The following ACSF3 variants were observed in gnomAD, a reference collection of about 807,000 sequenced individuals.
The protein encoded by ACSF3 is acyl-CoA synthetase family member 3.
ACSF3 carries 78 observed loss-of-function variants against 53.2 expected under a neutral mutation model. That is an observed-to-expected ratio of 1.47 (90% confidence interval 1.22 to 1.77). The LOEUF (loss-of-function observed/expected upper bound fraction) is 1.77. Ranked by LOEUF, ACSF3 falls within the 40% of genes most tolerant of loss-of-function variation. The probability of loss-of-function intolerance (pLI) is 0.00; values close to 1 mark genes in which losing one functional copy is unlikely to be tolerated. For missense variants in ACSF3, 937 were observed against 771.1 expected (o/e 1.22, Z -2.55); for synonymous variants, 414 against 333.1 (o/e 1.24, Z -2.65).
At chr16:89,150,469 G>C (rs991625298) in intron 10 of ACSF3, 3 of 156,336 alleles carry the variant, frequency 1.9e-5, no homozygotes, top group Non-Finnish European at 4.2e-5. Flanking sequence ...CTCAGCCCTT[G>C]GCTGTCCTCA....
chr16:89,131,886 G>A (rs1339641259), intron 7 of ACSF3, among the ~76,000 whole-genome samples: 2 of 152,260 alleles, frequency 1.3e-5, no homozygotes, highest in East Asian at 1.9e-4. Flanking sequence ...GGCACTGCAC[G>A]GAAAGCCCCG....
intron 7 of ACSF3, among the ~76,000 whole-genome samples, chr16:89,126,414 G>A (rs1908119168): frequency 6.6e-6 from 1 of 152,080 alleles, no homozygotes. Flanking sequence ...GATTACAGAT[G>A]TGTGCCACCA....
chr16:89,120,718 C>T (rs1037134509), intron 6 of ACSF3, 83 bp from the exon 7 acceptor site: 41 of 1,333,782 alleles, frequency 3.1e-5, no homozygotes, highest in South Asian at 1.1e-4. Flanking sequence ...GGGAGCTCAG[C>T]GGGATCCGAG....
Position 89,119,946 on chromosome 16 carries a change from C to T in ACSF3, c.1127-855C>T, listed in dbSNP as rs531766043. Among the ~76,000 whole-genome samples, 21 of 152,360 alleles carry T rather than the reference C, an allele frequency of 1.4e-4. No individual in the cohort carries two copies. The South Asian group carries it at 3.7e-3, about 27-fold the overall frequency. On this transcript the variant is annotated intron_variant, in intron 6 of 10. Coordinates refer to ENST00000614302, the MANE Select transcript of ACSF3 (RefSeq NM_001243279.3). ...GATAAGCGTTCAGGCACTCCCCTGA[C>T]GCAGGCCAGGGCAAAGGCCTCACGC...
intron 3 of ACSF3, among the ~76,000 whole-genome samples, chr16:89,101,587 G>T (rs532341624): frequency 6.6e-6 from 1 of 152,264 alleles, no homozygotes; most frequent in African/African-American, 2.4e-5. Flanking sequence ...GCCGCCGAGT[G>T]ACCCTGCCAG....
intron 8 of ACSF3, 95 bp from the exon 9 acceptor site, chr16:89,145,172 G>C: frequency 6.2e-7 from 1 of 1,613,094 alleles, no homozygotes; most frequent in South Asian, 1.1e-5. Context: ...GGACACCGTG[G>C]TGTTTAAGGA....
intron 8 of ACSF3, among the ~76,000 whole-genome samples, chr16:89,137,051 G>A (rs1469263892): frequency 2.0e-5 from 3 of 152,216 alleles, no homozygotes; most frequent in Admixed American, 2.0e-4. Flanking sequence ...TGACGTGGAG[G>A]TGGGCACCTC....
Position 89,146,061 on chromosome 16 carries a change from T to TGGGG in ACSF3, c.1613+13_1613+16dup. ...AAAGAGTGGGCCAGGTAGGGCTGGG[T>TGGGG]GGGGCGGGCAGGGAGCACTCATGGG... On this transcript the variant is annotated intron_variant, in intron 10 of 10. Coordinates refer to ENST00000614302, the MANE Select transcript of ACSF3 (RefSeq NM_001243279.3). The TGGGG allele has an allele frequency of 2.8e-6, 1 of 356,076 alleles. No individual in the cohort carries two copies. Among genetic ancestry groups the TGGGG allele is most frequent in the Non-Finnish European group, 5.8e-6 (1 of 173,376 alleles). 22.1% of individuals were successfully genotyped at this position (356,076 alleles called of 1,614,324 possible).
intron 4 of ACSF3, among the ~76,000 whole-genome samples, chr16:89,106,296 A>ATTTTT (rs11393084): frequency 6.8e-6 from 1 of 147,258 alleles, no homozygotes; most frequent in African/African-American, 2.5e-5. Flanking sequence ...TGAAAACTTA[A>ATTTTT]TTTTTTTTTT....
At position 89,141,955 on chromosome 16, in the gene ACSF3, G is replaced by A. The variant is rs184135651; in HGVS notation, c.1367-3312G>A. ...CAGAGACAGGTCTCAGTCCTGCACT[G>A]ATTGGCTTCGCCCAGTGCTGCTGGG... On this transcript the variant is annotated intron_variant, in intron 8 of 10. Transcript: ENST00000614302. Among the ~76,000 whole-genome samples the A allele has an allele frequency of 3.9e-3, 598 of 152,340 alleles. 3 individuals are homozygous for A. Among genetic ancestry groups the A allele is most frequent in the African/African-American group, 0.013 (559 of 41,580 alleles).
chr16:89,146,733 T>C (rs1050611386), intron 10 of ACSF3, among the ~76,000 whole-genome samples: 27 of 152,176 alleles, frequency 1.8e-4, no homozygotes, highest in African/African-American at 6.5e-4. Context: ...GTTTTGCCTT[T>C]ACCTTACCCA....
intron 7 of ACSF3, among the ~76,000 whole-genome samples, chr16:89,127,910 A>G (rs1908470906): frequency 6.6e-6 from 1 of 152,184 alleles, no homozygotes; most frequent in African/African-American, 2.4e-5. Context: ...TCAGGGCCTG[A>G]AGTTATGTGG....
At chr16:89,098,021 C>T (rs4782464) in intron 1 of ACSF3, among the ~76,000 whole-genome samples, 108,727 of 151,654 alleles carry the variant, frequency 0.72, 39,633 homozygotes, top group Non-Finnish European at 0.79. Flanking sequence ...TTGCAGTGAG[C>T]CGAGATCGTG....
At chr16:89,134,661 A>G (rs1326970106) in intron 8 of ACSF3, among the ~76,000 whole-genome samples, 1 of 152,204 alleles carries the variant, frequency 6.6e-6, no homozygotes, top group East Asian at 1.9e-4. Context: ...TTATATCCCG[A>G]TCATTGTCCC....
In ACSF3 at chr16:89,141,895, C is replaced by T. The variant is rs144647335; in HGVS notation, c.1367-3372C>T. Among the ~76,000 whole-genome samples the T allele has an allele frequency of 5.3e-3, 812 of 152,324 alleles. 3 individuals carry two copies. The highest frequency in any genetic ancestry group is 0.019 in the African/African-American group (777 of 41,566). On this transcript the variant is annotated intron_variant, in intron 8 of 10. Coordinates refer to ENST00000614302, the MANE Select transcript of ACSF3 (RefSeq NM_001243279.3). The stretch of plus-strand genomic sequence containing the variant: ...CGCACAAGTTCTGGGCACAGAAGCA[C>T]CTCTCAGAATCATCCCCGAGACAGG...
chr16:89,114,049 C>T (rs1025091609), intron 5 of ACSF3: 14 of 450,300 alleles, frequency 3.1e-5, no homozygotes, highest in South Asian at 2.0e-4. Flanking sequence ...CAGGGGACAC[C>T]GCGGACCCTA....
rs775551806 is a variant in ACSF3 at position 89,100,816 on chromosome 16, G to A, written c.135G>A (p.Pro45=). Residue 45 remains proline, a synonymous_variant, in exon 3 of 11, where the codon CCG becomes CCA. Transcript: ENST00000614302. ...TGGCCCGCTCGGACAGGAGCGCCCC[G>A]GTGTTCACCCGTGCCCTGGCCTTTG... ...APVARSDRSA[P]VFTRALAFGD... is the part of the protein sequence containing the mutation. 17 of 1,612,948 alleles carry A rather than the reference G, an allele frequency of 1.1e-5. No homozygotes were observed. Among genetic ancestry groups the A allele is most frequent in the Middle Eastern group, 3.3e-4 (2 of 6,082 alleles).
rs1047794869 is a variant in ACSF3, at chr16:89,155,247, G to T, written c.*1040G>T. The T allele has an allele frequency of 2.2e-6, 1 of 454,166 alleles. No individual in the cohort carries two copies. Among genetic ancestry groups the T allele is most frequent in the South Asian group, 1.6e-5 (1 of 64,484 alleles). The allele number at this position is 454,166 out of a possible 1,614,324, so 28.1% of individuals were successfully genotyped here. ...GGGAAGTAACAGTCATCGCCCAGCA[G>T]TGTCTGGCCTGAACTTACCCAGAAC... On this transcript the variant is annotated 3_prime_UTR_variant, in exon 11 of 11. Transcript: ENST00000614302.
At chr16:89,118,150 C>G (rs1024146952) in intron 6 of ACSF3, among the ~76,000 whole-genome samples, 26 of 143,632 alleles carry the variant, frequency 1.8e-4, no homozygotes, top group Non-Finnish European at 2.4e-4. Flanking sequence ...TCTCTCTTCT[C>G]TAAGGCAGAG....
Sources: allele counts gnomAD v4.1 joint callset (sites outside exome capture counted in the v4.1 genomes callset), GRCh38; gene constraint gnomAD v4.1.1; transcripts MANE v1.5; gene names NCBI Gene and HGNC (gene_info 2026-07-23, HGNC 2026-07-21).